Variants in SPG11 observed in about 807,000 individuals in gnomAD.
The protein encoded by SPG11 is spatacsin.
Under a neutral mutation model 274.0 loss-of-function variants are expected in SPG11, and 222 were observed. The observed-to-expected ratio is 0.81, with a 90% CI of 0.73 to 0.91. The LOEUF (loss-of-function observed/expected upper bound fraction) is 0.91, where lower values mean the gene tolerates loss of function less well. SPG11 is among the 40% of genes least tolerant of loss of function. SPG11 has a pLI of 0.00. For synonymous variants in SPG11, 1,144 were observed against 1,039.7 expected (o/e 1.10, Z -1.93); for missense variants, 3,114 against 2,872.7 (o/e 1.08, Z -1.92).
intron 27 of SPG11, among the ~76,000 whole-genome samples, chr15:44,591,922 C>T (rs1237194906): frequency 3.3e-5 from 5 of 151,996 alleles, no homozygotes; most frequent in Admixed American, 6.6e-5. Context: ...CCAGCCTGAC[C>T]AACATGGTGA....
chr15:44,594,234 G>A (rs1009895546), intron 26 of SPG11, among the ~76,000 whole-genome samples: 2 of 151,332 alleles, frequency 1.3e-5, no homozygotes, highest in South Asian at 4.2e-4. Flanking sequence ...AGACCAGCCT[G>A]GCCAACATGG....
At chr15:44,595,954 G>T (rs1427174915) in intron 25 of SPG11, 129 bp downstream of exon 25, 1 of 1,262,754 alleles carries the variant, frequency 7.9e-7, no homozygotes, top group Non-Finnish European at 1.1e-6. Flanking sequence ...ATGTTGCAGT[G>T]AACTTGGAAA....
chr15:44,648,648 C>T (rs2084673144), intron 7 of SPG11, among the ~76,000 whole-genome samples: 1 of 150,948 alleles, frequency 6.6e-6, no homozygotes, highest in Non-Finnish European at 1.5e-5. Context: ...GTACCTTTTT[C>T]TTATTATTTA....
intron 19 of SPG11, 81 bp from the exon 20 acceptor site, chr15:44,606,172 A>C: frequency 8.1e-7 from 1 of 1,240,520 alleles, no homozygotes; most frequent in Admixed American, 1.9e-5. Flanking sequence ...AAAGGACTTC[A>C]GAGGTAGTCT....
intron 7 of SPG11, 110 bp from the exon 8 acceptor site, chr15:44,633,747 G>A: frequency 1.7e-6 from 2 of 1,143,374 alleles, no homozygotes; most frequent in Admixed American, 2.0e-5. Context: ...GACTACAGGA[G>A]GCAAAAGACT....
intron 27 of SPG11, 51 bp from the exon 28 acceptor site, chr15:44,589,465 A>C (rs541548815): frequency 6.2e-7 from 1 of 1,608,932 alleles, no homozygotes; most frequent in Non-Finnish European, 8.5e-7. Flanking sequence ...GAGAATAGCA[A>C]ATCAAAACCT....
At chr15:44,572,638 A>T (rs763583191) in intron 33 of SPG11, 45 bp downstream of exon 33, 6 of 1,610,956 alleles carry the variant, frequency 3.7e-6, no homozygotes, top group Non-Finnish European at 5.1e-6. Context: ...ACCTTTTGAG[A>T]CCTGTTTAGG....
intron 26 of SPG11, 43 bp from the exon 27 acceptor site, chr15:44,592,481 A>C (rs1474155622): frequency 5.0e-6 from 6 of 1,196,240 alleles, no homozygotes; most frequent in Non-Finnish European, 7.5e-6. Context: ...TTTTGAACTT[A>C]ATATTTTTTC....
Position 44,606,048 on chromosome 15 carries a change from G to T in SPG11, c.3497C>A (p.Ser1166Tyr). The change falls in exon 20 of 40, where the codon TCT becomes TAT. Residue 1166 changes from serine to tyrosine, a missense_variant. Coordinates refer to ENST00000261866, the MANE Select transcript of SPG11 (RefSeq NM_025137.4). ...ACCTCCTATAGCTAGTGTGTTAGCA[G>T]ACTGCCAGCCAAACAATCTGCTAGG... ...FDPSRLFGWQ[S>Y]ANTLAIGDAW... is the part of the protein sequence containing the mutation. The T allele has an allele frequency of 6.2e-7, 1 of 1,613,716 alleles. No individual in the cohort carries two copies. Among genetic ancestry groups the T allele is most frequent in the South Asian group, 1.1e-5 (1 of 91,050 alleles).
intron 25 of SPG11, among the ~76,000 whole-genome samples, chr15:44,595,732 C>T (rs1399498120): frequency 6.6e-6 from 1 of 152,110 alleles, no homozygotes; most frequent in African/African-American, 2.4e-5. Context: ...GTAGGATTGC[C>T]CTCCACTGAT....
intron 15 of SPG11, among the ~76,000 whole-genome samples, chr15:44,619,317 T>C (rs923976061): frequency 6.6e-6 from 1 of 152,234 alleles, no homozygotes; most frequent in African/African-American, 2.4e-5. Context: ...CCTTATACTA[T>C]TTCAACAGGT....
chr15:44,655,668 T>TA (rs2084919630), intron 4 of SPG11, among the ~76,000 whole-genome samples: 2 of 152,198 alleles, frequency 1.3e-5, no homozygotes, highest in Non-Finnish European at 2.9e-5. Flanking sequence ...ACTGTTTATG[T>TA]TATCAGTAAG....
chr15:44,602,822 A>G (rs946945758), intron 20 of SPG11, among the ~76,000 whole-genome samples: 2 of 151,990 alleles, frequency 1.3e-5, no homozygotes, highest in African/African-American at 4.8e-5. Context: ...TGTATCATTT[A>G]TTAATTTGTG....
rs541206312 is a variant in SPG11 at position 44,597,510 on chromosome 15, T to C, written c.4002-567A>G. ...AAGTCATCAATCAAGTACCTATTTA[T>C]ACTGGCTGTGTAGCATCCTTAGGAG... is the stretch of plus-strand genomic sequence containing the variant. On this transcript the variant is annotated intron_variant, in intron 23 of 39. Transcript: ENST00000261866. 2.6e-5 allele frequency among the ~76,000 whole-genome samples: 4 copies of C among 152,342 alleles called. No homozygotes were observed. In the South Asian group the frequency reaches 8.3e-4, roughly 32 times the overall value.
At chr15:44,582,295 C>T (rs2082672409) in intron 30 of SPG11, among the ~76,000 whole-genome samples, 1 of 152,148 alleles carries the variant, frequency 6.6e-6, no homozygotes. Flanking sequence ...AGCCGGTAAT[C>T]ACAGCACTTT....
At chr15:44,611,417 G>A (rs1218261451) in intron 17 of SPG11, among the ~76,000 whole-genome samples, 1 of 152,042 alleles carries the variant, frequency 6.6e-6, no homozygotes, top group Non-Finnish European at 1.5e-5. Flanking sequence ...TAGCAACAAA[G>A]AAATGCAAAT....
chr15:44,564,010 T>G (rs1470553967), intron 39 of SPG11, among the ~76,000 whole-genome samples: 1 of 152,098 alleles, frequency 6.6e-6, no homozygotes, highest in East Asian at 1.9e-4. Context: ...GTTTCTTTTT[T>G]TGAGACAAGA....
In SPG11 at chr15:44,663,508, A is replaced by T; in HGVS notation, c.140T>A (p.Leu47Gln). Residue 47 changes from leucine to glutamine, a missense_variant, in exon 1 of 40, where the codon CTG becomes CAG. Physicochemically the swap from Leu to Gln is moderately radical, Grantham distance 113. Coordinates refer to ENST00000261866, the MANE Select transcript of SPG11 (RefSeq NM_025137.4). The part of the protein sequence containing the change: ...AMGQLGSRAQ[L>Q]RTQPEALGSL... ...CCCCAGAGCCTCCGGCTGTGTGCGCAGCTGCGCCCGGGAGCCGAGCTGCCC... is the reference window on the plus strand; with the variant it reads ...CCCCAGAGCCTCCGGCTGTGTGCGCTGCTGCGCCCGGGAGCCGAGCTGCCC... The T allele has an allele frequency of 6.3e-7, 1 of 1,595,284 alleles. No homozygotes were observed. The highest frequency in any genetic ancestry group is 8.5e-7 in the Non-Finnish European group (1 of 1,171,752).
rs112127849 is a variant in SPG11 at position 44,635,932 on chromosome 15, A to C, written c.1603-2295T>G. ...ACTCCACCTATAAAAAAAAAAAAAG[A>C]AAGAAAAATTTGCCACCCTTAGCAT... On this transcript the variant is annotated intron_variant, in intron 7 of 39. Coordinates refer to ENST00000261866, the MANE Select transcript of SPG11 (RefSeq NM_025137.4). 1.3e-3 allele frequency among the ~76,000 whole-genome samples: 201 copies of C among 151,770 alleles called. 1 individual carries two copies. The highest frequency in any genetic ancestry group is 4.7e-3 in the African/African-American group (196 of 41,434).
Sources: gnomAD v4.1 joint callset for allele counts (sites outside exome capture counted in the v4.1 genomes callset) on GRCh38, gnomAD v4.1.1 for gene constraint, MANE v1.5 for transcripts, NCBI Gene and HGNC (gene_info 2026-07-23, HGNC 2026-07-21) for gene names.